The following SMOC2 variants were observed in gnomAD, a reference collection of about 807,000 sequenced individuals.
The protein encoded by SMOC2 is SPARC-related modular calcium-binding protein 2.
Under a neutral mutation model 61.4 loss-of-function variants are expected in SMOC2, and 39 were observed. The ratio of observed to expected loss-of-function variants is 0.64; its 90% confidence interval spans 0.49 to 0.83. The LOEUF (loss-of-function observed/expected upper bound fraction) is 0.83. SMOC2 is among the 40% of genes least tolerant of loss of function. The probability of loss-of-function intolerance (pLI) is 0.00; values close to 1 mark genes in which losing one functional copy is unlikely to be tolerated. For missense variants in SMOC2, 556 were observed against 592.9 expected (o/e 0.94, Z 0.65); for synonymous variants, 247 against 239.9 (o/e 1.03, Z -0.27).
At chr6:168,666,198 C>T (rs927267954) in intron 12 of SMOC2, among the ~76,000 whole-genome samples, 2 of 151,884 alleles carry the variant, frequency 1.3e-5, no homozygotes, top group African/African-American at 2.4e-5. Context: ...TTTTTTGAAA[C>T]GATATATTTT....
rs965875287 is a variant in SMOC2 at position 168,600,434 on chromosome 6, CAAAAA to C, written c.824+1437_824+1441del. The stretch of plus-strand genomic sequence containing the variant: ...AAAAAAAAAAAAACAAAAAAAAAAA[CAAAAA>C]AAAAAACAGTAGTTTCAACTGTTGG... On this transcript the variant is annotated intron_variant, in intron 8 of 12. Transcript: ENST00000356284. Among the ~76,000 whole-genome samples the C allele has an allele frequency of 7.1e-4, 18 of 25,370 alleles. 2 individuals carry two copies. The highest frequency in any genetic ancestry group is 0.022 in the Middle Eastern group (1 of 46). The allele number at this position is 25,370 out of a possible 152,430, so 16.6% of individuals were successfully genotyped here. A position where few individuals can be genotyped will look rare whatever the true frequency, so the allele number is the denominator to read the frequency against.
intron 1 of SMOC2, among the ~76,000 whole-genome samples, chr6:168,451,022 T>C (rs1441708787): frequency 2.6e-5 from 4 of 152,228 alleles, no homozygotes; most frequent in Non-Finnish European, 5.9e-5. Context: ...TACAGGATCC[T>C]GTTTCTTCCC....
At chr6:168,540,024 G>A (rs1783842994) in intron 4 of SMOC2, among the ~76,000 whole-genome samples, 1 of 152,190 alleles carries the variant, frequency 6.6e-6, no homozygotes, top group South Asian at 2.1e-4. Flanking sequence ...GTCTGTGAAG[G>A]ACATAGCAGG....
intron 9 of SMOC2, among the ~76,000 whole-genome samples, chr6:168,628,952 A>G (rs989964510): frequency 4.6e-5 from 7 of 152,224 alleles, no homozygotes; most frequent in African/African-American, 1.7e-4. Flanking sequence ...AGGGAAGGGC[A>G]GGGGGCCCGG....
chr6:168,560,015 T>C (rs1784361218), intron 7 of SMOC2, among the ~76,000 whole-genome samples: 1 of 152,226 alleles, frequency 6.6e-6, no homozygotes, highest in South Asian at 2.1e-4. Context: ...TCCCCAGGAA[T>C]GGTGTGGTGC....
chr6:168,499,836 A>G (rs939007860), intron 1 of SMOC2, among the ~76,000 whole-genome samples: 3 of 152,128 alleles, frequency 2.0e-5, no homozygotes, highest in African/African-American at 7.2e-5. Context: ...TGCAATCAGG[A>G]AGGAGTGAGT....
At chr6:168,465,973 G>T (rs1207897537) in intron 1 of SMOC2, among the ~76,000 whole-genome samples, 1 of 115,730 alleles carries the variant, frequency 8.6e-6, no homozygotes, top group African/African-American at 3.5e-5. Context: ...GGAACTGGGG[G>T]GCTCTGGATG....
intron 2 of SMOC2, among the ~76,000 whole-genome samples, chr6:168,515,838 A>C (rs142850048): frequency 4.6e-5 from 7 of 152,022 alleles, no homozygotes; most frequent in Non-Finnish European, 1.0e-4. Context: ...TTTCCCTCTA[A>C]GAGTATAAAT....
intron 7 of SMOC2, among the ~76,000 whole-genome samples, chr6:168,562,847 G>A (rs1372712579): frequency 2.0e-5 from 3 of 152,184 alleles, no homozygotes; most frequent in African/African-American, 7.2e-5. Context: ...ATCCCTCCAG[G>A]CCGTATTTTC....
chr6:168,553,063 A>G lies in SMOC2; in HGVS notation c.637+3860A>G, dbSNP rs2115112044. Among the ~76,000 whole-genome samples the G allele has an allele frequency of 6.6e-6, 1 of 152,294 alleles. No individual in the cohort carries two copies. The highest frequency in any genetic ancestry group is 1.9e-4 in the East Asian group (1 of 5,178). On this transcript the variant is annotated intron_variant, in intron 7 of 12. Transcript: ENST00000356284. The surrounding 1 kb of genome is among the most constrained non-coding windows in gnomAD (Gnocchi z 4.2). ...AAAACAAGCTGAATGAAACAAACAAAATAACCAAATTAATACATAACTGGA... is the reference window on the plus strand; with the variant it reads ...AAAACAAGCTGAATGAAACAAACAAGATAACCAAATTAATACATAACTGGA...
chr6:168,639,761 G>A lies in SMOC2; in HGVS notation c.908-10920G>A, dbSNP rs908135705. Among the ~76,000 whole-genome samples, 8 of 152,176 alleles carry A rather than the reference G, an allele frequency of 5.3e-5. No homozygotes were observed. The South Asian group carries it at 6.2e-4, about 12-fold the overall frequency. ...ACCTGGGATGTCAGCATAGGAAAGC[G>A]TTTCTCAGACTCGCTGCTACTTGCA... On this transcript the variant is annotated intron_variant, in intron 9 of 12. Transcript: ENST00000356284.
At chr6:168,523,079 A>ATTCTTTTTTTTTG (rs551183247) in intron 2 of SMOC2, among the ~76,000 whole-genome samples, 2 of 93,664 alleles carry the variant, frequency 2.1e-5, no homozygotes, top group Non-Finnish European at 4.4e-5. Context: ...TTGTACAGTA[A>ATTCTTTTTTTTTG]TTTTTTTTTT....
rs532128899 is a variant in SMOC2 at position 168,562,816 on chromosome 6, G to A, written c.637+13613G>A. Among the ~76,000 whole-genome samples the A allele has an allele frequency of 1.9e-4, 29 of 152,256 alleles. No individual in the cohort carries two copies. In the South Asian group the frequency reaches 5.0e-3, roughly 26 times the overall value. Reference sequence around the variant, plus strand: ...GCGTTGCCCGTGGAGCTGTTTTCCCGGTGATCACGCAGGGATCTGGATCCC... The same window carrying A: ...GCGTTGCCCGTGGAGCTGTTTTCCCAGTGATCACGCAGGGATCTGGATCCC... On this transcript the variant is annotated intron_variant, in intron 7 of 12. Transcript: ENST00000356284.
intron 7 of SMOC2, among the ~76,000 whole-genome samples, chr6:168,554,812 C>T (rs959566076): frequency 1.3e-5 from 2 of 152,198 alleles, no homozygotes; most frequent in Non-Finnish European, 2.9e-5. Context: ...ATGGTCAGGT[C>T]GGCTGCCCAA....
intron 11 of SMOC2, among the ~76,000 whole-genome samples, chr6:168,659,610 G>T (rs79728371): frequency 7.1e-6 from 1 of 140,556 alleles, no homozygotes; most frequent in East Asian, 2.1e-4. Flanking sequence ...GAGGGTGGAG[G>T]TTGTAGGCTG....
intron 12 of SMOC2, 139 bp from the exon 13 acceptor site, chr6:168,666,282 C>G: frequency 7.2e-6 from 4 of 558,950 alleles, no homozygotes; most frequent in Non-Finnish European, 1.2e-5. Context: ...TTCATTGTTT[C>G]TTACTCATAC....
chr6:168,651,093 G>T (rs1255571609), intron 10 of SMOC2, among the ~76,000 whole-genome samples: 1 of 152,212 alleles, frequency 6.6e-6, no homozygotes, highest in African/African-American at 2.4e-5. Flanking sequence ...CCTGCAGAGG[G>T]CTTTGTGCTT....
chr6:168,609,129 A>G (rs145633221), intron 9 of SMOC2, among the ~76,000 whole-genome samples: 2 of 152,354 alleles, frequency 1.3e-5, no homozygotes, highest in African/African-American at 4.8e-5. Flanking sequence ...TAGCGATTCC[A>G]CAACATGAGT....
chr6:168,500,839 C>CTCG (rs1782710634), intron 1 of SMOC2, among the ~76,000 whole-genome samples: 1 of 152,174 alleles, frequency 6.6e-6, no homozygotes, highest in East Asian at 1.9e-4. Flanking sequence ...CATCCAGGGG[C>CTCG]ATCTCGATTC....
Sources: gnomAD v4.1 joint callset for allele counts (sites outside exome capture counted in the v4.1 genomes callset) on GRCh38, gnomAD v4.1.1 for gene constraint, Gnocchi (gnomAD v3.1) non-coding constraint, MANE v1.5 for transcripts, NCBI Gene and HGNC (gene_info 2026-07-23, HGNC 2026-07-21) for gene names.